REG4: variants seen among roughly 807,000 people sequenced by gnomAD.
The protein encoded by REG4 is regenerating islet-derived protein 4.
Under a neutral mutation model 22.3 loss-of-function variants are expected in REG4, and 16 were observed. That is an observed-to-expected ratio of 0.72 (90% CI 0.49 to 1.09). The LOEUF is 1.09. REG4 is among the 50% of genes least tolerant of loss of function. The pLI, the probability that REG4 is intolerant of heterozygous loss-of-function variation, is 0.00. For synonymous variants in REG4, 71 were observed against 69.2 expected, an observed-to-expected ratio of 1.03 and a Z score of -0.13; for missense variants, 214 against 193.9, an observed-to-expected ratio of 1.10 and a Z score of -0.61.
chr1:119,808,902 T>C (rs1654410363), intron 1 of REG4, 39 bp from the exon 2 acceptor site: 1 of 572,730 alleles, frequency 1.7e-6, no homozygotes, highest in Admixed American at 3.4e-5. Context: ...CCCAGGAATC[T>C]AGATGCCAAC....
intron 4 of REG4, among the ~76,000 whole-genome samples, chr1:119,799,115 C>T (rs1411095686): frequency 6.6e-6 from 1 of 152,054 alleles, no homozygotes; most frequent in Admixed American, 6.5e-5. Context: ...TGGGGCTTCC[C>T]GCTTTATGTT....
At chr1:119,796,721 G>C (rs17024265) in intron 5 of REG4, among the ~76,000 whole-genome samples, 3,520 of 152,254 alleles carry the variant, frequency 0.023, 130 homozygotes, top group African/African-American at 0.079. Context: ...ACAGCCACGA[G>C]CTGGGTAAGT....
At position 119,798,700 on chromosome 1, in the gene REG4, C is replaced by T; in HGVS notation, c.304-98G>A. 5.0e-6 allele frequency: 4 copies of T among 806,112 alleles called. No individual in the cohort carries two copies. In the South Asian group the frequency reaches 7.1e-5, roughly 14 times the overall value. 49.9% of individuals were successfully genotyped at this position (806,112 alleles called of 1,614,324 possible). ...CCCCTTTAAAACATGGTTTTCATTGCAAACATTGGGAAAGTACAGAAATGC... is the reference window on the plus strand; with the variant it reads ...CCCCTTTAAAACATGGTTTTCATTGTAAACATTGGGAAAGTACAGAAATGC... On this transcript the variant is annotated intron_variant, in intron 4 of 5. Transcript: ENST00000256585.
intron 2 of REG4, among the ~76,000 whole-genome samples, chr1:119,804,078 C>T (rs1398391450): frequency 6.6e-6 from 1 of 152,170 alleles, no homozygotes; most frequent in African/African-American, 2.4e-5. Flanking sequence ...GCTGGATGTA[C>T]AGAGGCATCA....
chr1:119,799,575 A>T, intron 4 of REG4, 150 bp downstream of exon 4: 1 of 959,480 alleles, frequency 1.0e-6, no homozygotes. Context: ...TGGGCCCCTG[A>T]CCTTGAGACT....
At chr1:119,809,089 G>T (rs1243524014) in intron 1 of REG4, 1 of 224,528 alleles carries the variant, frequency 4.5e-6, no homozygotes, top group Non-Finnish European at 8.6e-6. Flanking sequence ...CAGTTTCATA[G>T]TCTGCATGGA....
chr1:119,795,000 C>T (rs1039925143), intron 5 of REG4, among the ~76,000 whole-genome samples: 2 of 152,138 alleles, frequency 1.3e-5, no homozygotes, highest in African/African-American at 4.8e-5. Flanking sequence ...GCCTCCAGAC[C>T]GTCTTTGGAC....
intron 1 of REG4, among the ~76,000 whole-genome samples, chr1:119,809,727 C>T (rs979855945): frequency 2.5e-4 from 38 of 152,076 alleles, no homozygotes; most frequent in African/African-American, 8.7e-4. Flanking sequence ...TGGCATCACA[C>T]AACATGCACA....
chr1:119,795,407 T>G (rs1428570331), intron 5 of REG4, among the ~76,000 whole-genome samples: 2 of 152,178 alleles, frequency 1.3e-5, no homozygotes, highest in African/African-American at 4.8e-5. Context: ...AACTGAAAGC[T>G]GCTAAAGCCA....
chr1:119,797,765 T>C (rs148687540), intron 5 of REG4, among the ~76,000 whole-genome samples: 59 of 152,350 alleles, frequency 3.9e-4, no homozygotes, highest in African/African-American at 1.3e-3. Flanking sequence ...TGCCTGGAGA[T>C]ATTTTTGATT....
chr1:119,795,766 G>A (rs771074258), intron 5 of REG4, among the ~76,000 whole-genome samples: 9 of 152,206 alleles, frequency 5.9e-5, no homozygotes, highest in Non-Finnish European at 1.2e-4. Context: ...AGTGCTCAGC[G>A]CAGGAGCCAC....
intron 2 of REG4, among the ~76,000 whole-genome samples, chr1:119,807,316 A>T (rs1487455340): frequency 6.6e-6 from 1 of 152,240 alleles, no homozygotes; most frequent in Non-Finnish European, 1.5e-5. Flanking sequence ...CCAAGATAGT[A>T]AGAATAAGTA....
chr1:119,802,945 C>T (rs1446926356), intron 3 of REG4, 123 bp downstream of exon 3: 2 of 1,564,500 alleles, frequency 1.3e-6, no homozygotes, highest in Non-Finnish European at 1.7e-6. Context: ...ATTTCACCAG[C>T]CAAAGGGGCT....
At chr1:119,810,135 T>C (rs1378763807) in intron 1 of REG4, among the ~76,000 whole-genome samples, 11 of 152,094 alleles carry the variant, frequency 7.2e-5, no homozygotes. Context: ...CATTCTGAAA[T>C]TTTCAAAAAT....
At chr1:119,804,253 G>A (rs587698394) in intron 2 of REG4, among the ~76,000 whole-genome samples, 6 of 152,050 alleles carry the variant, frequency 3.9e-5, no homozygotes, top group African/African-American at 1.2e-4. Context: ...TACTACTGTC[G>A]CTTGTTTGCC....
chr1:119,794,886 G>A (rs913475031), intron 5 of REG4, among the ~76,000 whole-genome samples: 1 of 152,192 alleles, frequency 6.6e-6, no homozygotes, highest in Non-Finnish European at 1.5e-5. Context: ...ACAATCAGTA[G>A]ACTTTGAGTA....
At chr1:119,797,796 G>C (rs1235264925) in intron 5 of REG4, among the ~76,000 whole-genome samples, 1 of 152,202 alleles carries the variant, frequency 6.6e-6, no homozygotes, top group Non-Finnish European at 1.5e-5. Context: ...GGGAGGAGGA[G>C]TGCTACTGGC....
chr1:119,794,340 A>AT lies in REG4; in HGVS notation c.*277dup. The AT allele has an allele frequency of 1.6e-6, 1 of 620,718 alleles. No individual in the cohort carries two copies. Among genetic ancestry groups the AT allele is most frequent in the South Asian group, 1.6e-5 (1 of 61,804 alleles). The allele number at this position is 620,718 out of a possible 1,614,324, so 38.5% of individuals were successfully genotyped here. ...GACCCAGCTGTTTCATAGGCTGGAG[A>AT]TGCACTCTTCTAGACTGCTCGAGAC... On this transcript the variant is annotated 3_prime_UTR_variant, in exon 6 of 6. Transcript: ENST00000256585.
rs587604240 is a variant in REG4, at chr1:119,804,638, A to G, written c.68-1473T>C. The stretch of plus-strand genomic sequence containing the variant: ...AAACATGAACATAATTTTATGATAA[A>G]TAAAACACAGCCTTTATGCCATTGC... On this transcript the variant is annotated intron_variant, in intron 2 of 5. Coordinates refer to ENST00000256585, the MANE Select transcript of REG4 (RefSeq NM_032044.4). 2.0e-5 allele frequency among the ~76,000 whole-genome samples: 3 copies of G among 152,374 alleles called. No individual in the cohort carries two copies. In the South Asian group the frequency reaches 6.2e-4, roughly 32 times the overall value.
Sources: allele counts gnomAD v4.1 joint callset (sites outside exome capture counted in the v4.1 genomes callset), GRCh38; gene constraint gnomAD v4.1.1; transcripts MANE v1.5; gene names NCBI Gene and HGNC (gene_info 2026-07-23, HGNC 2026-07-21).